CRADD: variants seen among roughly 807,000 people sequenced by gnomAD.
CRADD encodes CARD and death domain containing adaptor protein.
A neutral mutation model predicts 15.5 loss-of-function variants in CRADD; 9 were observed. The observed-to-expected ratio is 0.58, with a 90% confidence interval of 0.35 to 1.01. CRADD has a LOEUF of 1.01. Among genes scored for constraint, CRADD ranks in the 50% least tolerant of loss-of-function variants. The probability of loss-of-function intolerance (pLI) is 0.02; values close to 1 mark genes in which losing one functional copy is unlikely to be tolerated. For missense variants in CRADD, 227 were observed against 250.3 expected, an observed-to-expected ratio of 0.91 and a Z score of 0.63; for synonymous variants, 118 against 107.6, an observed-to-expected ratio of 1.10 and a Z score of -0.60.
intron 2 of CRADD, chr12:93,846,507 T>G (rs1278519022): frequency 6.6e-6 from 1 of 151,160 alleles, no homozygotes; most frequent in Non-Finnish European, 1.5e-5. Flanking sequence ...GAGTGTGAAG[T>G]GGAATGGATT....
intron 2 of CRADD, among the ~76,000 whole-genome samples, chr12:93,735,895 T>C (rs1476819809): frequency 6.6e-6 from 1 of 151,824 alleles, no homozygotes; most frequent in African/African-American, 2.4e-5. Context: ...AGATGGTGTA[T>C]ATAAAGTGCA....
chr12:93,770,889 A>G (rs956547628), intron 2 of CRADD, among the ~76,000 whole-genome samples: 16 of 152,264 alleles, frequency 1.1e-4, no homozygotes, highest in Non-Finnish European at 1.5e-4. Context: ...TTTTAAATCT[A>G]TAGATCAATT....
intron 2 of CRADD, among the ~76,000 whole-genome samples, chr12:93,819,761 C>T (rs992090902): frequency 2.0e-5 from 3 of 152,286 alleles, no homozygotes; most frequent in East Asian, 1.9e-4. Context: ...ACCACATAAC[C>T]GAAGGAGAAT....
chr12:93,800,571 A>G (rs147850301), intron 2 of CRADD, among the ~76,000 whole-genome samples: 21 of 151,714 alleles, frequency 1.4e-4, no homozygotes, highest in Non-Finnish European at 2.2e-4. Context: ...AAAGTATGGC[A>G]CTTACTCCTG....
intron 2 of CRADD, among the ~76,000 whole-genome samples, chr12:93,744,236 A>G (rs1167790823): frequency 6.6e-6 from 1 of 152,174 alleles, no homozygotes; most frequent in Non-Finnish European, 1.5e-5. Context: ...CCAGGGGAGA[A>G]TCCACTTCCA....
intron 2 of CRADD, chr12:93,709,091 G>A (rs185037288): frequency 6.6e-5 from 10 of 152,362 alleles, no homozygotes; most frequent in Non-Finnish European, 8.8e-5. Flanking sequence ...TGCCTGCAAG[G>A]CAGAGTGAAA....
chr12:93,818,771 C>G (rs946650350), intron 2 of CRADD, among the ~76,000 whole-genome samples: 7 of 152,182 alleles, frequency 4.6e-5, no homozygotes, highest in African/African-American at 1.7e-4. Context: ...AGGAAAACCA[C>G]AGGGTGAGAG....
chr12:93,827,573 A>G (rs1189507119), intron 2 of CRADD, among the ~76,000 whole-genome samples: 2 of 152,192 alleles, frequency 1.3e-5, no homozygotes, highest in Non-Finnish European at 1.5e-5. Context: ...TTAAACACCT[A>G]GAAGTGAAAT....
intron 2 of CRADD, among the ~76,000 whole-genome samples, chr12:93,846,233 A>G (rs1346618881): frequency 1.3e-5 from 2 of 152,202 alleles, no homozygotes; most frequent in South Asian, 4.1e-4. Flanking sequence ...TAACGCTGCT[A>G]TGAACATAGG....
chr12:93,818,561 C>G (rs1293388624), intron 2 of CRADD, among the ~76,000 whole-genome samples: 1 of 151,986 alleles, frequency 6.6e-6, no homozygotes, highest in Non-Finnish European at 1.5e-5. Context: ...TGGGGAGGAA[C>G]AAAAACCGTG....
intron 2 of CRADD, among the ~76,000 whole-genome samples, chr12:93,694,407 G>C (rs562188166): frequency 6.6e-6 from 1 of 152,170 alleles, no homozygotes; most frequent in East Asian, 1.9e-4. Flanking sequence ...TTAAGATCAG[G>C]AACAAGAGAA....
chr12:93,777,278 T>G (rs1475713819), intron 2 of CRADD, among the ~76,000 whole-genome samples: 2 of 152,162 alleles, frequency 1.3e-5, no homozygotes, highest in African/African-American at 2.4e-5. Flanking sequence ...CCTAACAGAA[T>G]AGAGACAAGA....
chr12:93,712,816 G>T (rs2136866980), intron 2 of CRADD, among the ~76,000 whole-genome samples: 1 of 152,274 alleles, frequency 6.6e-6, no homozygotes, highest in Non-Finnish European at 1.5e-5. Context: ...AGGATGATTT[G>T]TGAATGCTTA....
chr12:93,781,861 C>T (rs1957214278), intron 2 of CRADD, among the ~76,000 whole-genome samples: 1 of 152,090 alleles, frequency 6.6e-6, no homozygotes, highest in Admixed American at 6.6e-5. Context: ...TATATAAATG[C>T]TACGAGAAAA....
intron 2 of CRADD, among the ~76,000 whole-genome samples, chr12:93,872,608 T>C (rs1257379605): frequency 6.6e-6 from 1 of 152,184 alleles, no homozygotes; most frequent in Admixed American, 6.5e-5. Context: ...GGGTCTAGTT[T>C]CACTCTTCTT....
intron 2 of CRADD, among the ~76,000 whole-genome samples, chr12:93,720,189 G>T (rs1956233830): frequency 6.6e-6 from 1 of 151,904 alleles, no homozygotes; most frequent in African/African-American, 2.4e-5. Context: ...TTACCCCTAT[G>T]TTACTTAGAA....
At chr12:93,730,287 C>G (rs1046350379) in intron 2 of CRADD, among the ~76,000 whole-genome samples, 5 of 152,250 alleles carry the variant, frequency 3.3e-5, no homozygotes, top group African/African-American at 1.2e-4. Context: ...CACGGACCTA[C>G]TGCTCCTATA....
chr12:93,723,198 T>C (rs1956295361), intron 2 of CRADD, among the ~76,000 whole-genome samples: 1 of 152,218 alleles, frequency 6.6e-6, no homozygotes, highest in Non-Finnish European at 1.5e-5. Context: ...ACCCCCTCTT[T>C]GCTTAGGGAT....
intron 2 of CRADD, among the ~76,000 whole-genome samples, chr12:93,743,380 G>C (rs149245106): frequency 2.6e-5 from 4 of 152,068 alleles, no homozygotes; most frequent in Non-Finnish European, 5.9e-5. Context: ...CATCCAGGCC[G>C]GAGTGCAGTG....
Sources: allele counts gnomAD v4.1 joint callset (sites outside exome capture counted in the v4.1 genomes callset), GRCh38; gene constraint gnomAD v4.1.1; transcripts MANE v1.5; gene names NCBI Gene and HGNC (gene_info 2026-07-23, HGNC 2026-07-21).